The following ADAMTSL3 variants were observed in gnomAD, a reference collection of about 807,000 sequenced individuals.
ADAMTSL3 encodes the protein ADAMTS-like protein 3.
Under a neutral mutation model 201.7 loss-of-function variants are expected in ADAMTSL3, and 128 were observed. That is an observed-to-expected ratio of 0.63 (90% confidence interval 0.55 to 0.73). The LOEUF (loss-of-function observed/expected upper bound fraction) is 0.73, where lower values mean the gene tolerates loss of function less well. ADAMTSL3 is among the 30% of genes least tolerant of loss of function. The probability of loss-of-function intolerance (pLI) is 0.00; values close to 1 mark genes in which losing one functional copy is unlikely to be tolerated. For synonymous variants in ADAMTSL3, 738 were observed against 748.4 expected (o/e 0.99, Z 0.23); for missense variants, 1,990 against 2,119.6 (o/e 0.94, Z 1.20).
chr15:83,810,773 C>T (rs2063681683), intron 5 of ADAMTSL3, among the ~76,000 whole-genome samples: 1 of 152,296 alleles, frequency 6.6e-6, no homozygotes, highest in Non-Finnish European at 1.5e-5. Context: ...GAGTCTCACT[C>T]TATCACCCAG....
At chr15:83,999,527 G>T (rs927400633) in intron 23 of ADAMTSL3, among the ~76,000 whole-genome samples, 1 of 152,104 alleles carries the variant, frequency 6.6e-6, no homozygotes, top group East Asian at 1.9e-4. Context: ...AACCCTACCC[G>T]CCCCCTGTCA....
chr15:83,944,956 T>C (rs1307984724), intron 19 of ADAMTSL3, among the ~76,000 whole-genome samples: 1 of 152,240 alleles, frequency 6.6e-6, no homozygotes, highest in African/African-American at 2.4e-5. Flanking sequence ...TTTCTGTACA[T>C]ATATCCAGAT....
chr15:84,033,079 T>A (rs1038622842), intron 28 of ADAMTSL3, among the ~76,000 whole-genome samples: 1 of 152,126 alleles, frequency 6.6e-6, no homozygotes, highest in Non-Finnish European at 1.5e-5. Context: ...TTCCTTATAT[T>A]TTTTTTCTTG....
chr15:84,037,030 G>C (rs779778535), intron 29 of ADAMTSL3, 43 bp downstream of exon 29: 2 of 1,582,970 alleles, frequency 1.3e-6, no homozygotes, highest in South Asian at 2.2e-5. Context: ...CAGAGGCCTT[G>C]ATGGCATCAG....
At chr15:83,943,442 C>T (rs1596448840) in intron 19 of ADAMTSL3, among the ~76,000 whole-genome samples, 2 of 152,314 alleles carry the variant, frequency 1.3e-5, no homozygotes, top group South Asian at 2.1e-4. Flanking sequence ...CATTAAGCCC[C>T]GTCATTCCAA....
chr15:83,718,834 G>T (rs1468422540), intron 3 of ADAMTSL3, among the ~76,000 whole-genome samples: 4 of 152,034 alleles, frequency 2.6e-5, no homozygotes, highest in Non-Finnish European at 5.9e-5. Flanking sequence ...GGGTGCTCAG[G>T]AATCAACTCA....
intron 7 of ADAMTSL3, among the ~76,000 whole-genome samples, chr15:83,854,645 C>T (rs2064693759): frequency 6.6e-6 from 1 of 152,172 alleles, no homozygotes; most frequent in South Asian, 2.1e-4. Context: ...CTTTAGTGTA[C>T]ATTGATGATC....
chr15:83,726,173 G>A (rs772716753), intron 3 of ADAMTSL3, among the ~76,000 whole-genome samples: 19 of 152,046 alleles, frequency 1.2e-4, no homozygotes, highest in African/African-American at 4.3e-4. Flanking sequence ...GAATGGGACC[G>A]CTTTCTTGAT....
At chr15:83,976,157 G>A (rs1280424908) in intron 20 of ADAMTSL3, among the ~76,000 whole-genome samples, 2 of 152,210 alleles carry the variant, frequency 1.3e-5, no homozygotes, top group Non-Finnish European at 2.9e-5. Context: ...GTAGGGTGGT[G>A]AGTGGGGAGA....
intron 19 of ADAMTSL3, among the ~76,000 whole-genome samples, chr15:83,953,552 C>T (rs2066795294): frequency 6.6e-6 from 1 of 152,118 alleles, no homozygotes; most frequent in Non-Finnish European, 1.5e-5. Flanking sequence ...AGACTTTCTA[C>T]TTAAGATTAG....
chr15:83,899,842 G>A, intron 15 of ADAMTSL3, 111 bp downstream of exon 15: 3 of 1,378,584 alleles, frequency 2.2e-6, no homozygotes, highest in Non-Finnish European at 2.9e-6. Flanking sequence ...CAAATGACCT[G>A]GATTTACAGA....
At chr15:83,669,797 C>T (rs1175157062) in intron 2 of ADAMTSL3, among the ~76,000 whole-genome samples, 1 of 151,612 alleles carries the variant, frequency 6.6e-6, no homozygotes, top group Non-Finnish European at 1.5e-5. Context: ...AAATAATCTA[C>T]TCTACTGTTG....
At chr15:83,843,103 A>G (rs560425595) in intron 7 of ADAMTSL3, among the ~76,000 whole-genome samples, 6 of 152,198 alleles carry the variant, frequency 3.9e-5, no homozygotes, top group Non-Finnish European at 8.8e-5. Context: ...TTGAGAATCT[A>G]TTAAAAGTTA....
intron 23 of ADAMTSL3, among the ~76,000 whole-genome samples, chr15:83,994,586 G>GTTTTTTTT (rs3045402): frequency 2.0e-5 from 1 of 50,228 alleles, no homozygotes; most frequent in African/African-American, 7.1e-5. Flanking sequence ...TTGTTTTTTC[G>GTTTTTTTT]TTTTTTTTTT....
rs531497399 is a variant in ADAMTSL3 at position 83,905,872 on chromosome 15, C to T, written c.1700+6141C>T. The stretch of plus-strand genomic sequence containing the variant: ...ACTCCAGCTTGCCTTTTTCCCCATA[C>T]GTTCATCAAAATCAGGAGATTATCT... On this transcript the variant is annotated intron_variant, in intron 15 of 29. Coordinates refer to ENST00000286744, the MANE Select transcript of ADAMTSL3 (RefSeq NM_207517.3). Among the ~76,000 whole-genome samples, 36 of 151,878 alleles carry T rather than the reference C, an allele frequency of 2.4e-4. 1 individual carries two copies. Among genetic ancestry groups the T allele is most frequent in the African/African-American group, 8.0e-4 (33 of 41,318 alleles).
intron 3 of ADAMTSL3, among the ~76,000 whole-genome samples, chr15:83,724,555 A>G (rs1234781224): frequency 9.9e-5 from 15 of 152,196 alleles, no homozygotes; most frequent in East Asian, 7.7e-4. Flanking sequence ...GTGTTCAGTC[A>G]AATTATACTC....
Position 84,037,867 on chromosome 15 carries a change from C to A in ADAMTSL3, c.*61C>A. 6.5e-7 allele frequency: 1 copy of A among 1,540,314 alleles called. No homozygotes were observed. The highest frequency in any genetic ancestry group is 1.3e-5 in the South Asian group (1 of 78,410). ...AAAGTAGAATATAAAAGCTCTTTTCCCCATGTCGCTGATTCAAAAACATGT... is the reference window on the plus strand; with the variant it reads ...AAAGTAGAATATAAAAGCTCTTTTCACCATGTCGCTGATTCAAAAACATGT... On this transcript the variant is annotated 3_prime_UTR_variant, in exon 30 of 30. Coordinates refer to ENST00000286744, the MANE Select transcript of ADAMTSL3 (RefSeq NM_207517.3).
rs909433857 is a variant in ADAMTSL3, at chr15:83,819,792, C to G, written c.364-19C>G. 6.2e-7 allele frequency: 1 copy of G among 1,601,246 alleles called. No homozygotes were observed. Among genetic ancestry groups the G allele is most frequent in the Non-Finnish European group, 8.6e-7 (1 of 1,169,550 alleles). Reference sequence around the variant, plus strand: ...TCTCACTGGGTGATGTGCATGTGGCCTTTTCCCTCTGCCCCCAGGACTGCC... The same window carrying G: ...TCTCACTGGGTGATGTGCATGTGGCGTTTTCCCTCTGCCCCCAGGACTGCC... On this transcript the variant is annotated intron_variant, in intron 5 of 29. Transcript: ENST00000286744.
intron 19 of ADAMTSL3, among the ~76,000 whole-genome samples, chr15:83,952,985 T>C (rs183406530): frequency 3.9e-5 from 6 of 152,340 alleles, no homozygotes; most frequent in African/African-American, 1.2e-4. Context: ...AACATCTAAC[T>C]CCATCCCTTT....
Sources: gnomAD v4.1 joint callset for allele counts (sites outside exome capture counted in the v4.1 genomes callset) on GRCh38, gnomAD v4.1.1 for gene constraint, MANE v1.5 for transcripts, NCBI Gene and HGNC (gene_info 2026-07-23, HGNC 2026-07-21) for gene names.